COL26A1: variants seen among roughly 807,000 people sequenced by gnomAD.
COL26A1 encodes collagen alpha-1(XXVI) chain.
COL26A1 carries 41 observed loss-of-function variants against 59.3 expected under a neutral mutation model. The ratio of observed to expected loss-of-function variants is 0.69; its 90% CI spans 0.54 to 0.90. The LOEUF is 0.90. Among genes scored for constraint, COL26A1 ranks in the 40% least tolerant of loss-of-function variants. COL26A1 has a pLI of 0.00. For missense variants in COL26A1, 612 were observed against 602.3 expected, an observed-to-expected ratio of 1.02 and a Z score of -0.17; for synonymous variants, 266 against 256.0, an observed-to-expected ratio of 1.04 and a Z score of -0.37.
chr7:101,405,177 C>T (rs1006039260), intron 1 of COL26A1, among the ~76,000 whole-genome samples: 1 of 151,900 alleles, frequency 6.6e-6, no homozygotes, highest in South Asian at 2.1e-4. Context: ...GAGCTGAGAT[C>T]GCGCCACTGC....
At chr7:101,404,125 G>A (rs1293323759) in intron 1 of COL26A1, among the ~76,000 whole-genome samples, 1 of 152,134 alleles carries the variant, frequency 6.6e-6, no homozygotes, top group African/African-American at 2.4e-5. Context: ...ACACAGTTGT[G>A]TGAGGTTGTG....
At chr7:101,403,961 G>T (rs1171389962) in intron 1 of COL26A1, among the ~76,000 whole-genome samples, 1 of 152,110 alleles carries the variant, frequency 6.6e-6, no homozygotes, top group East Asian at 1.9e-4. Context: ...CGGTGTGCTG[G>T]TGGGCACCTG....
intron 1 of COL26A1, among the ~76,000 whole-genome samples, chr7:101,395,656 CG>C (rs1791838441): frequency 6.6e-6 from 1 of 152,096 alleles, no homozygotes; most frequent in Non-Finnish European, 1.5e-5. Flanking sequence ...AATTCTTTTG[CG>C]GTGATTTTGT....
At chr7:101,466,081 C>G (rs1020177196) in intron 3 of COL26A1, among the ~76,000 whole-genome samples, 1 of 152,042 alleles carries the variant, frequency 6.6e-6, no homozygotes, top group African/African-American at 2.4e-5. Context: ...TCACTCCCAG[C>G]CTGTCCCTGC....
intron 3 of COL26A1, among the ~76,000 whole-genome samples, chr7:101,475,868 CTT>C (rs1794028571): frequency 2.4e-5 from 2 of 83,534 alleles, no homozygotes; most frequent in Middle Eastern, 8.6e-3. Flanking sequence ...TTTTCTCTCT[CTT>C]TCTTTCTCTT....
At chr7:101,401,780 G>A (rs1316097902) in intron 1 of COL26A1, among the ~76,000 whole-genome samples, 1 of 151,848 alleles carries the variant, frequency 6.6e-6, no homozygotes, top group African/African-American at 2.4e-5. Flanking sequence ...AAGAGGAGGA[G>A]GAGGAGGAAG....
At chr7:101,398,448 A>G (rs1184650359) in intron 1 of COL26A1, among the ~76,000 whole-genome samples, 1 of 152,144 alleles carries the variant, frequency 6.6e-6, no homozygotes, top group Non-Finnish European at 1.5e-5. Context: ...TCGGCAACCA[A>G]GTCCTCTTAT....
chr7:101,470,891 T>C (rs1432530975), intron 3 of COL26A1, among the ~76,000 whole-genome samples: 1 of 152,074 alleles, frequency 6.6e-6, no homozygotes, highest in Non-Finnish European at 1.5e-5. Context: ...CCTCTCACCC[T>C]GAAGCTGTCT....
Position 101,387,776 on chromosome 7 carries a change from A to ATTTT in COL26A1, c.158+24587_158+24588insTTTT, listed in dbSNP as rs1445116473. Among the ~76,000 whole-genome samples the ATTTT allele has an allele frequency of 2.6e-3, 219 of 84,710 alleles. 2 individuals carry two copies. The highest frequency in any genetic ancestry group is 8.2e-3 in the African/African-American group (173 of 21,184). The allele number at this position is 84,710 out of a possible 152,430, so 55.6% of individuals were successfully genotyped here. On this transcript the variant is annotated intron_variant, in intron 1 of 12. Coordinates refer to ENST00000313669, the MANE Select transcript of COL26A1 (RefSeq NM_001278563.3). ...TATTTATATATATATATATATATAT[A>ATTTT]TATTTTTTTTTAAGACAGAGTCTCA...
chr7:101,516,007 C>G (rs1795021324), intron 3 of COL26A1, among the ~76,000 whole-genome samples: 1 of 152,188 alleles, frequency 6.6e-6, no homozygotes, highest in African/African-American at 2.4e-5. Context: ...CATCGTGCCC[C>G]CTGTGGAACT....
chr7:101,454,126 C>T (rs1044611442), intron 3 of COL26A1, among the ~76,000 whole-genome samples: 2 of 152,146 alleles, frequency 1.3e-5, no homozygotes, highest in African/African-American at 2.4e-5. Context: ...ATATGGGGCA[C>T]AGTAGCAAAA....
intron 4 of COL26A1, among the ~76,000 whole-genome samples, chr7:101,538,610 G>A (rs1343131193): frequency 6.6e-6 from 1 of 152,190 alleles, no homozygotes; most frequent in Non-Finnish European, 1.5e-5. Flanking sequence ...CCAGGCCATC[G>A]GAGGACTGTG....
At chr7:101,434,995 T>C (rs938203310) in intron 2 of COL26A1, among the ~76,000 whole-genome samples, 4 of 151,962 alleles carry the variant, frequency 2.6e-5, no homozygotes, top group African/African-American at 9.7e-5. Flanking sequence ...GACTAGGAGA[T>C]TTCACTAGGG....
chr7:101,444,848 TG>T (rs1793148523), intron 2 of COL26A1, among the ~76,000 whole-genome samples: 1 of 151,812 alleles, frequency 6.6e-6, no homozygotes, highest in Non-Finnish European at 1.5e-5. Context: ...TTATTTTGTT[TG>T]TTTATTTTTT....
intron 3 of COL26A1, among the ~76,000 whole-genome samples, chr7:101,480,537 A>G (rs190963033): frequency 5.4e-4 from 82 of 152,154 alleles, no homozygotes; most frequent in Admixed American, 1.7e-3. Flanking sequence ...GTGTCACTCT[A>G]TTGCCTAGCC....
intron 1 of COL26A1, among the ~76,000 whole-genome samples, chr7:101,411,633 T>C (rs993100087): frequency 2.0e-5 from 3 of 151,966 alleles, no homozygotes; most frequent in African/African-American, 7.2e-5. Flanking sequence ...CGGGGTTGAA[T>C]AGTGATGGAT....
chr7:101,380,292 A>ATTT (rs34990402), intron 1 of COL26A1, among the ~76,000 whole-genome samples: 6 of 115,896 alleles, frequency 5.2e-5, no homozygotes, highest in African/African-American at 6.3e-5. Context: ...ACCCAGCTAC[A>ATTT]TTTTTTTTTT....
At chr7:101,407,498 C>G (rs375605886) in intron 1 of COL26A1, among the ~76,000 whole-genome samples, 6 of 151,700 alleles carry the variant, frequency 4.0e-5, no homozygotes, top group African/African-American at 1.5e-4. Flanking sequence ...CCCCTCCCTC[C>G]CAGCTCAATC....
intron 1 of COL26A1, among the ~76,000 whole-genome samples, chr7:101,370,061 A>G (rs1791152780): frequency 6.6e-6 from 1 of 151,886 alleles, no homozygotes; most frequent in African/African-American, 2.4e-5. Flanking sequence ...GGGTTTCTCC[A>G]TGTTGGTCAG....
Sources: allele counts gnomAD v4.1 joint callset (sites outside exome capture counted in the v4.1 genomes callset), GRCh38; gene constraint gnomAD v4.1.1; transcripts MANE v1.5; gene names NCBI Gene and HGNC (gene_info 2026-07-23, HGNC 2026-07-21).